AGBL1: variants seen among roughly 807,000 people sequenced by gnomAD.
AGBL1 encodes the protein AGBL carboxypeptidase 1.
AGBL1 carries 130 observed loss-of-function variants against 118.9 expected under a neutral mutation model. That is an observed-to-expected ratio of 1.09 (90% confidence interval 0.95 to 1.26). The LOEUF (loss-of-function observed/expected upper bound fraction) is 1.26, where lower values mean the gene tolerates loss of function less well. Among genes scored for constraint, AGBL1 ranks in the 50% most tolerant of loss-of-function variants. AGBL1 has a pLI of 0.00. For missense variants in AGBL1, 1,584 were observed against 1,298.1 expected (o/e 1.22, Z -3.38); for synonymous variants, 555 against 478.9 (o/e 1.16, Z -2.08).
intron 17 of AGBL1, among the ~76,000 whole-genome samples, chr15:86,388,703 A>G (rs1198652185): frequency 2.0e-5 from 3 of 152,216 alleles, no homozygotes; most frequent in Non-Finnish European, 4.4e-5. Context: ...AAAATAATAC[A>G]TAATGAAATG....
chr15:86,264,325 T>A lies in AGBL1; in HGVS notation c.1154T>A (p.Ile385Asn), dbSNP rs2079038032. Residue 385 changes from isoleucine (I) to asparagine (N), a missense_variant, in exon 11 of 23, where the codon ATT becomes AAT. Transcript: ENST00000614907. The part of the protein sequence containing the change: ...EKTQYANHHH[I>N]PAAASSKQHC... Reference sequence around the variant, plus strand: ...ACTCAGTATGCCAATCACCACCACATTCCAGCCGCTGCCTCCTCAAAACAG... The same window carrying A: ...ACTCAGTATGCCAATCACCACCACAATCCAGCCGCTGCCTCCTCAAAACAG... The A allele has an allele frequency of 6.2e-7, 1 of 1,611,886 alleles. No individual in the cohort carries two copies. Among genetic ancestry groups the A allele is most frequent in the Non-Finnish European group, 8.5e-7 (1 of 1,178,992 alleles).
At chr15:86,403,271 A>G (rs2081475498) in intron 18 of AGBL1, among the ~76,000 whole-genome samples, 1 of 152,174 alleles carries the variant, frequency 6.6e-6, no homozygotes. Flanking sequence ...CATTTTATTT[A>G]CAGGAGAACC....
intron 18 of AGBL1, among the ~76,000 whole-genome samples, chr15:86,516,425 C>T (rs528983814): frequency 7.2e-5 from 11 of 152,268 alleles, no homozygotes; most frequent in African/African-American, 1.2e-4. Flanking sequence ...AAACTTCCAA[C>T]GCAGAGGGCT....
In AGBL1 at chr15:86,081,773, A is replaced by G. The variant is rs534262649; in HGVS notation, c.51+1750A>G. ...ATCTCATGGACAGAATTTTCCTTGC[A>G]CTAGCTGTCTAGGAAAGAGGGAAAG... On this transcript the variant is annotated intron_variant, in intron 1 of 22. Transcript: ENST00000614907. Among the ~76,000 whole-genome samples, 122 of 152,308 alleles carry G rather than the reference A, an allele frequency of 8.0e-4. 1 individual carries two copies. The highest frequency in any genetic ancestry group is 2.6e-3 in the African/African-American group (109 of 41,554).
chr15:86,773,827 C>A (rs1210462894), intron 22 of AGBL1, among the ~76,000 whole-genome samples: 6 of 151,924 alleles, frequency 3.9e-5, no homozygotes, highest in Non-Finnish European at 8.8e-5. Flanking sequence ...AAAAGAATCT[C>A]TCCTAGATTT....
At chr15:86,234,000 T>G (rs2078497940) in intron 6 of AGBL1, among the ~76,000 whole-genome samples, 1 of 152,274 alleles carries the variant, frequency 6.6e-6, no homozygotes, top group South Asian at 2.1e-4. Context: ...GACAAAACTC[T>G]TGGTCACATA....
chr15:86,414,281 A>T (rs1280821833), intron 18 of AGBL1, among the ~76,000 whole-genome samples: 1 of 152,172 alleles, frequency 6.6e-6, no homozygotes, highest in African/African-American at 2.4e-5. Context: ...TCATTATGCA[A>T]TATATTCATG....
In AGBL1 at chr15:86,554,337, G is replaced by C. The variant is rs769799229; in HGVS notation, c.2818-24G>C. On this transcript the variant is annotated intron_variant, in intron 20 of 22. Coordinates refer to ENST00000614907, the MANE Select transcript of AGBL1 (RefSeq NM_001386094.1). ...CCCTAGTCACCCACAACTAATCATC[G>C]TTTGATTTTTGTTTTTACTGTAGAC... is the stretch of plus-strand genomic sequence containing the variant. The C allele has an allele frequency of 4.6e-6, 7 of 1,530,428 alleles. No homozygotes were observed. In the African/African-American group the frequency reaches 8.3e-5, roughly 18 times the overall value. 94.8% of individuals were successfully genotyped at this position (1,530,428 alleles called of 1,614,324 possible).
rs1018066499 is a variant in AGBL1, at chr15:86,611,789, T to C, written c.2994+57252T>C. On this transcript the variant is annotated intron_variant, in intron 21 of 22. Coordinates refer to ENST00000614907, the MANE Select transcript of AGBL1 (RefSeq NM_001386094.1). Reference sequence around the variant, plus strand: ...AAGAACAAGCCTATTTGTAAGATACTGTGAAAGCAGCAGCTACATGAAAAA... The same window carrying C: ...AAGAACAAGCCTATTTGTAAGATACCGTGAAAGCAGCAGCTACATGAAAAA... Among the ~76,000 whole-genome samples the C allele has an allele frequency of 1.2e-4, 18 of 152,166 alleles. 1 individual carries two copies. The highest frequency in any genetic ancestry group is 2.9e-5 in the Non-Finnish European group (2 of 68,040).
intron 23 of AGBL1, among the ~76,000 whole-genome samples, chr15:86,985,308 A>G (rs1485442347): frequency 6.6e-6 from 1 of 152,152 alleles, no homozygotes; most frequent in Non-Finnish European, 1.5e-5. Context: ...TTAATCAGGA[A>G]CTTCCTAATG....
chr15:86,173,631 G>T (rs79223552), intron 5 of AGBL1, among the ~76,000 whole-genome samples: 2 of 152,042 alleles, frequency 1.3e-5, no homozygotes, highest in Admixed American at 6.6e-5. Flanking sequence ...GTGCCGAGAG[G>T]TAGGGGTCTA....
chr15:86,896,327 T>A (rs2080125170), intron 22 of AGBL1, among the ~76,000 whole-genome samples: 2 of 152,098 alleles, frequency 1.3e-5, no homozygotes, highest in South Asian at 4.1e-4. Context: ...TATGATTTGT[T>A]ATTTTGAGTG....
At position 86,615,551 on chromosome 15, in the gene AGBL1, G is replaced by A. The variant is rs558646763; in HGVS notation, c.2995-58722G>A. On this transcript the variant is annotated intron_variant, in intron 21 of 22. Coordinates refer to ENST00000614907, the MANE Select transcript of AGBL1 (RefSeq NM_001386094.1). This position sits in a 1 kb window ranked among gnomAD's most constrained non-coding sequence, Gnocchi z 4.3. ...TATGCTGAACCTGAGAAGGCCACACGCCATCCCGGTGGAGATGGCACAGTG... is the reference window on the plus strand; with the variant it reads ...TATGCTGAACCTGAGAAGGCCACACACCATCCCGGTGGAGATGGCACAGTG... 1.1e-4 allele frequency among the ~76,000 whole-genome samples: 17 copies of A among 152,328 alleles called. No homozygotes were observed. The highest frequency in any genetic ancestry group is 1.9e-4 in the Non-Finnish European group (13 of 68,022).
At chr15:86,566,405 G>T (rs1428678001) in intron 21 of AGBL1, among the ~76,000 whole-genome samples, 1 of 152,072 alleles carries the variant, frequency 6.6e-6, no homozygotes, top group African/African-American at 2.4e-5. Context: ...ATTCTTGCTG[G>T]TCTTTATTTC....
chr15:86,960,221 G>A (rs1364623384), intron 23 of AGBL1, among the ~76,000 whole-genome samples: 1 of 151,934 alleles, frequency 6.6e-6, no homozygotes, highest in Non-Finnish European at 1.5e-5. Flanking sequence ...ATAGTTGATG[G>A]CTCTTAGTTT....
rs80004192 is a variant in AGBL1, at chr15:86,850,626, G to T, written c.3159-56461G>T. Among the ~76,000 whole-genome samples, 186 of 152,220 alleles carry T rather than the reference G, an allele frequency of 1.2e-3. 5 individuals carry two copies. The East Asian group carries it at 0.027, about 22-fold the overall frequency. Reference sequence around the variant, plus strand: ...TGCCAAACATTCTTATTAACACAGAGAATCATTATTGATAGGGTTACCTAA... The same window carrying T: ...TGCCAAACATTCTTATTAACACAGATAATCATTATTGATAGGGTTACCTAA... On this transcript the variant is annotated intron_variant, in intron 22 of 22. Coordinates refer to ENST00000614907, the MANE Select transcript of AGBL1 (RefSeq NM_001386094.1).
At chr15:86,513,072 T>G (rs919879395) in intron 18 of AGBL1, among the ~76,000 whole-genome samples, 4 of 151,966 alleles carry the variant, frequency 2.6e-5, no homozygotes, top group African/African-American at 9.7e-5. Context: ...ATTTTACATA[T>G]CTGTAAGATA....
chr15:86,638,605 C>A (rs1451270082), intron 21 of AGBL1, among the ~76,000 whole-genome samples: 1 of 152,162 alleles, frequency 6.6e-6, no homozygotes, highest in Non-Finnish European at 1.5e-5. Flanking sequence ...CTTTGTTCTT[C>A]ACATGCAGCT....
chr15:86,817,493 G>GAAAGAGAC, intron 22 of AGBL1, among the ~76,000 whole-genome samples: 1 of 87,848 alleles, frequency 1.1e-5, no homozygotes, highest in South Asian at 3.6e-4. Flanking sequence ...CACACACACA[G>GAAAGAGAC]AGGAGAGAGA....
Sources: gnomAD v4.1 joint callset for allele counts (sites outside exome capture counted in the v4.1 genomes callset) on GRCh38, gnomAD v4.1.1 for gene constraint, Gnocchi (gnomAD v3.1) non-coding constraint, MANE v1.5 for transcripts, NCBI Gene and HGNC (gene_info 2026-07-23, HGNC 2026-07-21) for gene names.